Variants in AP5Z1 observed in about 807,000 individuals in gnomAD.
AP5Z1 encodes the protein adaptor related protein complex 5 subunit zeta 1.
In AP5Z1, 106 loss-of-function variants were observed where a neutral mutation model predicts 83.0. The ratio of observed to expected loss-of-function variants is 1.28; its 90% CI spans 1.09 to 1.50. The LOEUF (loss-of-function observed/expected upper bound fraction) is 1.50, where lower values mean the gene tolerates loss of function less well. Ranked by LOEUF, AP5Z1 falls within the 40% of genes most tolerant of loss-of-function variation. The probability of loss-of-function intolerance (pLI) is 0.00; values close to 1 mark genes in which losing one functional copy is unlikely to be tolerated. For synonymous variants in AP5Z1, 751 were observed against 514.1 expected (o/e 1.46, Z -6.23); for missense variants, 1,565 against 1,094.2 (o/e 1.43, Z -6.07).
chr7:4,780,375 T>G (rs796328317), intron 1 of AP5Z1, among the ~76,000 whole-genome samples: 17 of 151,934 alleles, frequency 1.1e-4, no homozygotes, highest in African/African-American at 4.1e-4. Context: ...ATCCCAGCAC[T>G]TTGGGAGGCC....
At chr7:4,787,524 C>G in intron 10 of AP5Z1, 110 bp from the exon 11 acceptor site, 1 of 1,444,660 alleles carries the variant, frequency 6.9e-7, no homozygotes, top group Non-Finnish European at 9.2e-7. Context: ...GGTAGAAGCC[C>G]TCCTGGGGAC....
intron 1 of AP5Z1, among the ~76,000 whole-genome samples, chr7:4,776,487 C>A (rs1328157455): frequency 6.7e-6 from 1 of 149,484 alleles, no homozygotes; most frequent in Non-Finnish European, 1.5e-5. Flanking sequence ...GAGGCCAAGG[C>A]AGGCGGATCA....
chr7:4,781,186 A>G lies in AP5Z1; in HGVS notation c.53A>G (p.Asp18Gly), dbSNP rs1362250598. The change falls in exon 2 of 17, where the codon GAC becomes GGC. Residue 18 changes from aspartate to glycine, a missense_variant. Transcript: ENST00000649063. ...SLLHQAREIQ[D>G]EELKKFCSRI... ...TCTTCTTTGTTTAGGGAGATCCAGG[A>G]CGAGGAGCTGAAGAAGTTCTGTTCC... The G allele has an allele frequency of 6.2e-7, 1 of 1,613,572 alleles. No homozygotes were observed. Among genetic ancestry groups the G allele is most frequent in the African/African-American group, 1.3e-5 (1 of 74,918 alleles).
rs777563947 is a variant in AP5Z1 at position 4,790,814 on chromosome 7, C to G, written c.2080C>G (p.Pro694Ala). ...CCCCTCTGCTGCCCTGCCCAGGTGT[C>G]CCCCCCAGGTGGTCACCGTGCTGAT... ...CRPSAALPRC[P>A]PQVVTVLMTT... The change falls in exon 16 of 17, where the codon CCC (proline) becomes GCC (alanine). Residue 694 changes from proline (P) to alanine (A), a missense_variant. By Grantham distance (27) the Pro-to-Ala change is conservative. Coordinates refer to ENST00000649063, the MANE Select transcript of AP5Z1 (RefSeq NM_014855.3). 3 of 1,608,122 alleles carry G rather than the reference C, an allele frequency of 1.9e-6. No homozygotes were observed. The highest frequency in any genetic ancestry group is 4.5e-5 in the East Asian group (2 of 44,768).
At position 4,787,737 on chromosome 7, in the gene AP5Z1, ACCTGC is replaced by A. The variant is rs1211130493; in HGVS notation, c.1421_1425del (p.Pro474LeufsTer56). 3 of 1,546,446 alleles carry A rather than the reference ACCTGC, an allele frequency of 1.9e-6. No homozygotes were observed. Among genetic ancestry groups the A allele is most frequent in the Non-Finnish European group, 2.6e-6 (3 of 1,148,698 alleles). ...CTGGAGATGCTGCACGCGCTGCTGG[ACCTGC>A]CCTGCTTGACGGCGGTGCTGGACCT... is the stretch of plus-strand genomic sequence containing the variant. On this transcript the variant is annotated frameshift_variant, in exon 11 of 17. Transcript: ENST00000649063. LOFTEE classifies it high-confidence loss of function.
At chr7:4,782,499 C>G (rs1781408340) in intron 3 of AP5Z1, among the ~76,000 whole-genome samples, 1 of 152,170 alleles carries the variant, frequency 6.6e-6, no homozygotes, top group African/African-American at 2.4e-5. Flanking sequence ...TCCCTCCGTT[C>G]CCAGCCTGCA....
At position 4,787,686 on chromosome 7, in the gene AP5Z1, C is replaced by G. The variant is rs757128156; in HGVS notation, c.1364C>G (p.Pro455Arg). The G allele has an allele frequency of 6.4e-7, 1 of 1,552,634 alleles. No homozygotes were observed. The highest frequency in any genetic ancestry group is 1.9e-5 in the Admixed American group (1 of 51,438). ...PLTSEFVALL[P>R]ALVDAGTALE... ...ACCTCCGAGTTTGTGGCGCTCCTCCCGGCCCTGGTGGACGCTGGCACAGCC... is the reference window on the plus strand; with the variant it reads ...ACCTCCGAGTTTGTGGCGCTCCTCCGGGCCCTGGTGGACGCTGGCACAGCC... The change falls in exon 11 of 17, where the codon CCG (proline) becomes CGG (arginine). Residue 455 changes from proline to arginine, a missense_variant. Coordinates refer to ENST00000649063, the MANE Select transcript of AP5Z1 (RefSeq NM_014855.3).
In AP5Z1 at chr7:4,792,956, C is replaced by CCT; in HGVS notation, c.*1573_*1574dup. The CCT allele has an allele frequency of 6.2e-6, 1 of 161,930 alleles. No individual in the cohort carries two copies. Among genetic ancestry groups the CCT allele is most frequent in the Middle Eastern group, 3.2e-3 (1 of 310 alleles). 10.0% of individuals were successfully genotyped at this position (161,930 alleles called of 1,614,324 possible). A position where few individuals can be genotyped will look rare whatever the true frequency, so the allele number is the denominator to read the frequency against. ...AGTCTCCCACTGAGTCCGCAGCTCCCCTCCTGCCCTGGGGCGGGGCTTCCC... is the reference window on the plus strand; with the variant it reads ...AGTCTCCCACTGAGTCCGCAGCTCCCCTCTCCTGCCCTGGGGCGGGGCTTCCC... On this transcript the variant is annotated 3_prime_UTR_variant, in exon 17 of 17. Transcript: ENST00000649063.
At chr7:4,777,683 C>T (rs181197223) in intron 1 of AP5Z1, among the ~76,000 whole-genome samples, 2 of 152,278 alleles carry the variant, frequency 1.3e-5, no homozygotes, top group Admixed American at 1.3e-4. Flanking sequence ...GCCACCATAC[C>T]CGGCTGAGCC....
chr7:4,790,755 T>G lies in AP5Z1; in HGVS notation c.2021T>G (p.Leu674Arg). 6.2e-7 allele frequency: 1 copy of G among 1,609,252 alleles called. No homozygotes were observed. Among genetic ancestry groups the G allele is most frequent in the Non-Finnish European group, 8.5e-7 (1 of 1,178,768 alleles). Residue 674 changes from leucine to arginine, a missense_variant, in exon 16 of 17, where the codon CTG (leucine) becomes CGG (arginine). Transcript: ENST00000649063. ...CAGATCAACAAGTTCTTCGAAGCCC[T>G]GGAGGCTCTGCTATTCGAGGTCACC... ...VEQINKFFEA[L>R]EALLFEVTQC... is the part of the protein sequence containing the mutation.
In AP5Z1 at chr7:4,793,914, C is replaced by A. The variant is rs1781870152; in HGVS notation, c.*2529C>A. On this transcript the variant is annotated 3_prime_UTR_variant, in exon 17 of 17. Coordinates refer to ENST00000649063, the MANE Select transcript of AP5Z1 (RefSeq NM_014855.3). ...ACTGGCAGGCAGCTCTACCTGCAGC[C>A]CCTGTGCAGGATCCACTGGGTGAAA... The A allele has an allele frequency of 6.6e-6, 1 of 152,636 alleles. No individual in the cohort carries two copies. Among genetic ancestry groups the A allele is most frequent in the Non-Finnish European group, 1.5e-5 (1 of 68,390 alleles). The allele number at this position is 152,636 out of a possible 1,614,324, so 9.5% of individuals were successfully genotyped here.
intron 5 of AP5Z1, 131 bp downstream of exon 5, chr7:4,783,929 G>C (rs140258305): frequency 9.4e-6 from 10 of 1,065,514 alleles, no homozygotes; most frequent in African/African-American, 1.6e-5. Context: ...CCTCTGCTGC[G>C]GGGCTTGGGT....
Position 4,788,178 on chromosome 7 carries a change from G to A in AP5Z1, c.1479G>A (p.Arg493=), listed in dbSNP as rs1324250516. The part of the protein sequence containing the change: ...QLRSAPAASE[R]PLWDTSLRAP... ...GGTCAGCACCGGCTGCATCCGAGAG[G>A]CCACTCTGGGACACCTCTCTCAGGG... The change falls in exon 12 of 17, where the codon AGG becomes AGA. Residue 493 remains arginine, a synonymous_variant. Coordinates refer to ENST00000649063, the MANE Select transcript of AP5Z1 (RefSeq NM_014855.3). 3.9e-6 allele frequency: 6 copies of A among 1,556,976 alleles called. No individual in the cohort carries two copies. The highest frequency in any genetic ancestry group is 5.2e-6 in the Non-Finnish European group (6 of 1,151,402).
At position 4,785,627 on chromosome 7, in the gene AP5Z1, G is replaced by A. The variant is rs569547344; in HGVS notation, c.1075G>A (p.Gly359Arg). 3.0e-5 allele frequency: 47 copies of A among 1,573,976 alleles called. No homozygotes were observed. The highest frequency in any genetic ancestry group is 1.2e-4 in the South Asian group (10 of 86,866). ...GAAGGCCCTGCACGGGCGGGTGCGC[G>A]GGGACCCGGCCTCTGTGCGGGTGCT... is the stretch of plus-strand genomic sequence containing the variant. ...CLKALHGRVR[G>R]DPASVRVLLP... Residue 359 changes from glycine (G) to arginine (R), a missense_variant, in exon 9 of 17, where the codon GGG (glycine) becomes AGG (arginine). Transcript: ENST00000649063.
chr7:4,783,380 A>C lies in AP5Z1; in HGVS notation c.431A>C (p.Gln144Pro). ...GTGCTACGAGCGCTGGAGAGCCGGC[A>C]GCCTGAGGGACCCAGCCTCAGACAC... ...QGVLRALESR[Q>P]PEGPSLRHLL... The change falls in exon 4 of 17, where the codon CAG (glutamine) becomes CCG (proline). Residue 144 changes from glutamine to proline, a missense_variant. Coordinates refer to ENST00000649063, the MANE Select transcript of AP5Z1 (RefSeq NM_014855.3). 1.2e-6 allele frequency: 2 copies of C among 1,613,270 alleles called. No homozygotes were observed. Among genetic ancestry groups the C allele is most frequent in the Non-Finnish European group, 1.7e-6 (2 of 1,179,808 alleles).
chr7:4,775,784 CCTT>C, intron 1 of AP5Z1, 28 bp downstream of exon 1: 1 of 1,599,922 alleles, frequency 6.3e-7, no homozygotes, highest in Non-Finnish European at 8.5e-7. Context: ...CCCCGGCCCT[CCTT>C]CCTGCATCTC....
chr7:4,786,173 C>A (rs1317245629), intron 9 of AP5Z1, 77 bp from the exon 10 acceptor site: 4 of 1,422,808 alleles, frequency 2.8e-6, no homozygotes, highest in Non-Finnish European at 3.7e-6. Context: ...GCCTGAGACT[C>A]AGGGCCCCTA....
At position 4,790,675 on chromosome 7, in the gene AP5Z1, G is replaced by T; in HGVS notation, c.1941G>T (p.Val647=). 1.2e-6 allele frequency: 2 copies of T among 1,612,200 alleles called. No individual in the cohort carries two copies. The highest frequency in any genetic ancestry group is 8.5e-7 in the Non-Finnish European group (1 of 1,179,700). The change falls in exon 16 of 17, where the codon GTG becomes GTT. Residue 647 remains valine (V), a splice_region_variant and synonymous_variant. Coordinates refer to ENST00000649063, the MANE Select transcript of AP5Z1 (RefSeq NM_014855.3). ...CSRASLVTSV[V]WAIGEYLSVT... ...TGAATCTCTGTCCCCGGGCCTAGGT[G>T]TGGGCCATCGGCGAGTACCTGTCGG...
At chr7:4,789,633 C>G (rs1376572934) in intron 13 of AP5Z1, among the ~76,000 whole-genome samples, 199 bp from the exon 14 acceptor site, 1 of 152,218 alleles carries the variant, frequency 6.6e-6, no homozygotes, top group Non-Finnish European at 1.5e-5. Flanking sequence ...GCCGGGGGCA[C>G]TTGGGCCAGC....
Sources: gnomAD v4.1 joint callset for allele counts (sites outside exome capture counted in the v4.1 genomes callset) on GRCh38, gnomAD v4.1.1 for gene constraint, MANE v1.5 for transcripts, NCBI Gene and HGNC (gene_info 2026-07-23, HGNC 2026-07-21) for gene names.